MAST2: variants seen among roughly 807,000 people sequenced by gnomAD.
The protein encoded by MAST2 is microtubule associated serine/threonine kinase 2.
Under a neutral mutation model 147.4 loss-of-function variants are expected in MAST2, and 70 were observed. The observed-to-expected ratio is 0.47, with a 90% CI of 0.39 to 0.58. MAST2 has a LOEUF of 0.58. MAST2 is among the 20% of genes least tolerant of loss of function. MAST2 has a pLI of 0.00. For synonymous variants in MAST2, 869 were observed against 896.8 expected, an observed-to-expected ratio of 0.97 and a Z score of 0.55; for missense variants, 2,080 against 2,302.3, an observed-to-expected ratio of 0.90 and a Z score of 1.98.
In MAST2 at chr1:45,808,946, GT is replaced by G. The variant is rs1181385035; in HGVS notation, c.177+4875del. Among the ~76,000 whole-genome samples, 8 of 151,786 alleles carry G rather than the reference GT, an allele frequency of 5.3e-5. No individual in the cohort carries two copies. The Admixed American group carries it at 5.3e-4, about 10-fold the overall frequency. On this transcript the variant is annotated intron_variant, in intron 1 of 28. Coordinates refer to ENST00000361297, the MANE Select transcript of MAST2 (RefSeq NM_015112.3). ...CCACTTCTCTTGGTTCCTTAGGACCGTCTGCTTTTCTCGATCATGGCATACA... is the reference window on the plus strand; with the variant it reads ...CCACTTCTCTTGGTTCCTTAGGACCGCTGCTTTTCTCGATCATGGCATACA...
chr1:45,961,835 A>G (rs1660465420), intron 5 of MAST2, among the ~76,000 whole-genome samples: 1 of 152,000 alleles, frequency 6.6e-6, no homozygotes, highest in Non-Finnish European at 1.5e-5. Context: ...GGTTTGTTAC[A>G]TATGTATAGA....
intron 1 of MAST2, among the ~76,000 whole-genome samples, chr1:45,810,798 G>A (rs1247377904): frequency 2.3e-5 from 3 of 129,600 alleles, no homozygotes; most frequent in Admixed American, 8.2e-5. Context: ...GCGACAGAGC[G>A]AGACTCCATC....
At chr1:45,923,610 A>T (rs74636414) in intron 4 of MAST2, among the ~76,000 whole-genome samples, 1,556 of 152,310 alleles carry the variant, frequency 0.01, 18 homozygotes, top group East Asian at 0.034. Context: ...TAAGTGGCAG[A>T]ACTGGGATAG....
chr1:45,908,915 G>A (rs1000380335), intron 4 of MAST2, among the ~76,000 whole-genome samples: 2 of 152,096 alleles, frequency 1.3e-5, no homozygotes, highest in African/African-American at 4.8e-5. Flanking sequence ...GTGTCCCAGT[G>A]CCTGAAAACT....
chr1:45,940,934 A>G (rs1657172334), intron 4 of MAST2, among the ~76,000 whole-genome samples: 2 of 152,110 alleles, frequency 1.3e-5, no homozygotes, highest in South Asian at 4.2e-4. Flanking sequence ...GGATTTTATT[A>G]GAAAGAGAAT....
At chr1:45,890,082 C>T (rs966703284) in intron 4 of MAST2, among the ~76,000 whole-genome samples, 2 of 152,142 alleles carry the variant, frequency 1.3e-5, no homozygotes, top group Admixed American at 1.3e-4. Context: ...CTAGTTCCTA[C>T]ACACCTTTCA....
At chr1:45,996,025 C>T (rs934988537) in intron 5 of MAST2, among the ~76,000 whole-genome samples, 4 of 151,420 alleles carry the variant, frequency 2.6e-5, no homozygotes, top group South Asian at 2.1e-4. Context: ...CCTGCTCTCC[C>T]CTCCCCCTGC....
chr1:45,956,830 G>T (rs1241149771), intron 4 of MAST2, among the ~76,000 whole-genome samples: 1 of 152,132 alleles, frequency 6.6e-6, no homozygotes, highest in Non-Finnish European at 1.5e-5. Context: ...CACCTATTTT[G>T]CAGTGCCTAG....
chr1:45,909,081 C>T lies in MAST2; in HGVS notation c.500+26686C>T, dbSNP rs181693455. Among the ~76,000 whole-genome samples the T allele has an allele frequency of 5.7e-4, 86 of 152,152 alleles. 2 individuals are homozygous for T. Among genetic ancestry groups the T allele is most frequent in the African/African-American group, 2.0e-3 (81 of 41,536 alleles). On this transcript the variant is annotated intron_variant, in intron 4 of 28. Coordinates refer to ENST00000361297, the MANE Select transcript of MAST2 (RefSeq NM_015112.3). Reference sequence around the variant, plus strand: ...TCTTTAGTTCTCACTGAAGACAAAGCGTGTACTTTTTACATCAAATGTAAA... The same window carrying T: ...TCTTTAGTTCTCACTGAAGACAAAGTGTGTACTTTTTACATCAAATGTAAA...
chr1:45,979,928 A>AT (rs1644330618), intron 5 of MAST2, among the ~76,000 whole-genome samples: 2 of 152,334 alleles, frequency 1.3e-5, no homozygotes, highest in South Asian at 4.1e-4. Flanking sequence ...CAGGAACAGA[A>AT]AATAAAATAC....
chr1:45,871,655 AAAAGTCAGTTTGATCTTTAAACTG>A (rs1026522558), intron 3 of MAST2, among the ~76,000 whole-genome samples: 16 of 152,204 alleles, frequency 1.1e-4, no homozygotes, highest in African/African-American at 2.9e-4. Flanking sequence ...AATTGCAAAC[AAAAGTCAGTTTGATCTTTAAACTG>A]AAAGTCAGTT....
intron 1 of MAST2, among the ~76,000 whole-genome samples, chr1:45,822,210 A>T (rs575280619): frequency 6.6e-6 from 1 of 152,212 alleles, no homozygotes; most frequent in Admixed American, 6.5e-5. Flanking sequence ...TTTAATCTTG[A>T]TGCTGCTTAG....
intron 4 of MAST2, among the ~76,000 whole-genome samples, chr1:45,918,857 A>C (rs144755202): frequency 7.1e-4 from 108 of 152,308 alleles, no homozygotes; most frequent in Middle Eastern, 3.4e-3. Flanking sequence ...TTACACCTGT[A>C]ATCCCAGCAG....
chr1:45,914,779 T>A (rs969799144), intron 4 of MAST2, among the ~76,000 whole-genome samples: 1 of 151,932 alleles, frequency 6.6e-6, no homozygotes, highest in Non-Finnish European at 1.5e-5. Flanking sequence ...TGACACACTT[T>A]AAAAAAAACC....
intron 4 of MAST2, among the ~76,000 whole-genome samples, chr1:45,908,104 A>G (rs1651077565): frequency 6.6e-6 from 1 of 151,916 alleles, no homozygotes; most frequent in South Asian, 2.1e-4. Context: ...CAAAGAACCA[A>G]TTTTTGGTTT....
chr1:45,944,427 A>C (rs1657750629), intron 4 of MAST2, among the ~76,000 whole-genome samples: 1 of 152,182 alleles, frequency 6.6e-6, no homozygotes, highest in Non-Finnish European at 1.5e-5. Context: ...AAATTAATAC[A>C]ACTTAATATT....
At chr1:45,844,546 A>C (rs1231891171) in intron 3 of MAST2, among the ~76,000 whole-genome samples, 1 of 152,118 alleles carries the variant, frequency 6.6e-6, no homozygotes, top group Non-Finnish European at 1.5e-5. Context: ...GGCTTCCCAA[A>C]GTGCTGAGAT....
At chr1:45,861,330 A>G (rs1165059217) in intron 3 of MAST2, among the ~76,000 whole-genome samples, 1 of 152,178 alleles carries the variant, frequency 6.6e-6, no homozygotes, top group Non-Finnish European at 1.5e-5. Context: ...ATGATGATGA[A>G]TGATGTAGGT....
intron 4 of MAST2, among the ~76,000 whole-genome samples, chr1:45,912,488 T>C (rs1003555309): frequency 6.6e-6 from 1 of 152,236 alleles, no homozygotes; most frequent in Non-Finnish European, 1.5e-5. Flanking sequence ...AAAATGTTGA[T>C]CCTGACTTCC....
Sources: allele counts gnomAD v4.1 joint callset (sites outside exome capture counted in the v4.1 genomes callset), GRCh38; gene constraint gnomAD v4.1.1; transcripts MANE v1.5; gene names NCBI Gene and HGNC (gene_info 2026-07-23, HGNC 2026-07-21).